CNTNAP5: variants seen among roughly 807,000 people sequenced by gnomAD.
CNTNAP5 encodes the protein contactin-associated protein-like 5.
Under a neutral mutation model 150.2 loss-of-function variants are expected in CNTNAP5, and 72 were observed. The ratio of observed to expected loss-of-function variants is 0.48; its 90% CI spans 0.40 to 0.58. CNTNAP5 has a LOEUF of 0.58. Among genes scored for constraint, CNTNAP5 ranks in the 20% least tolerant of loss-of-function variants. The pLI, the probability that CNTNAP5 is intolerant of heterozygous loss-of-function variation, is 0.00. For missense variants in CNTNAP5, 1,636 were observed against 1,626.2 expected, an observed-to-expected ratio of 1.01 and a Z score of -0.10; for synonymous variants, 672 against 619.8, an observed-to-expected ratio of 1.08 and a Z score of -1.25.
At chr2:124,029,742 C>A (rs1680992365) in intron 1 of CNTNAP5, among the ~76,000 whole-genome samples, 1 of 151,830 alleles carries the variant, frequency 6.6e-6, no homozygotes, top group Admixed American at 6.6e-5. Flanking sequence ...TCTTAATGCC[C>A]ATTTGTTAAA....
intron 1 of CNTNAP5, among the ~76,000 whole-genome samples, chr2:124,035,965 C>T (rs1462845952): frequency 6.0e-5 from 8 of 132,468 alleles, no homozygotes; most frequent in African/African-American, 1.5e-4. Context: ...TCGCCCAGGC[C>T]GGACTGCGGA....
At chr2:124,897,936 A>AGTGTGTGTGT (rs56154943) in intron 21 of CNTNAP5, among the ~76,000 whole-genome samples, 2 of 142,004 alleles carry the variant, frequency 1.4e-5, no homozygotes, top group East Asian at 4.2e-4. Context: ...GCAAATGCCA[A>AGTGTGTGTGT]GTGTGTGTGT....
At chr2:124,210,890 TCAAA>T (rs1685992626) in intron 1 of CNTNAP5, among the ~76,000 whole-genome samples, 1 of 152,158 alleles carries the variant, frequency 6.6e-6, no homozygotes, top group African/African-American at 2.4e-5. Flanking sequence ...TGAATGAAAT[TCAAA>T]CATTTTCTCC....
chr2:124,330,923 C>T (rs1689335588), intron 3 of CNTNAP5, among the ~76,000 whole-genome samples: 1 of 151,950 alleles, frequency 6.6e-6, no homozygotes, highest in Admixed American at 6.6e-5. Flanking sequence ...AAATTATAAC[C>T]TCTCATTAGT....
At chr2:124,674,366 T>A (rs1404177778) in intron 13 of CNTNAP5, among the ~76,000 whole-genome samples, 1 of 81,518 alleles carries the variant, frequency 1.2e-5, no homozygotes, top group East Asian at 3.9e-4. Context: ...CTTCCCTCCC[T>A]CCCTCCTTCC....
chr2:124,192,289 A>T (rs1168251192), intron 1 of CNTNAP5, among the ~76,000 whole-genome samples: 1 of 152,020 alleles, frequency 6.6e-6, no homozygotes, highest in African/African-American at 2.4e-5. Context: ...CTCTGCTACC[A>T]CAGTTGGCCT....
intron 11 of CNTNAP5, among the ~76,000 whole-genome samples, chr2:124,578,637 T>C (rs997638767): frequency 6.6e-6 from 1 of 151,988 alleles, no homozygotes; most frequent in Non-Finnish European, 1.5e-5. Flanking sequence ...CCAAGCACGG[T>C]GGTGCACGCC....
intron 6 of CNTNAP5, among the ~76,000 whole-genome samples, chr2:124,467,613 A>G (rs534050543): frequency 1.3e-5 from 2 of 152,306 alleles, no homozygotes; most frequent in South Asian, 2.1e-4. Flanking sequence ...TGTGTAGCCT[A>G]TAAGTGTTTA....
intron 13 of CNTNAP5, among the ~76,000 whole-genome samples, chr2:124,695,721 A>T (rs557176750): frequency 6.6e-6 from 1 of 152,288 alleles, no homozygotes; most frequent in South Asian, 2.1e-4. Context: ...TTGGGTCCAG[A>T]TGGAGGGAGC....
chr2:124,148,274 G>A (rs1219692102), intron 1 of CNTNAP5, among the ~76,000 whole-genome samples: 1 of 150,730 alleles, frequency 6.6e-6, no homozygotes, highest in African/African-American at 2.4e-5. Flanking sequence ...ATTCCAGCCT[G>A]GGCAACAGAG....
intron 11 of CNTNAP5, among the ~76,000 whole-genome samples, chr2:124,598,801 G>A (rs1393961568): frequency 9.2e-5 from 14 of 152,138 alleles, no homozygotes; most frequent in African/African-American, 2.9e-4. Flanking sequence ...GCGAGATTCC[G>A]TGGGCATAGG....
At chr2:124,753,210 T>G (rs928960897) in intron 14 of CNTNAP5, among the ~76,000 whole-genome samples, 1 of 152,152 alleles carries the variant, frequency 6.6e-6, no homozygotes. Flanking sequence ...AAGAAAATAT[T>G]TTATTCTTTT....
At chr2:124,835,681 T>C (rs1682814638) in intron 19 of CNTNAP5, among the ~76,000 whole-genome samples, 1 of 152,206 alleles carries the variant, frequency 6.6e-6, no homozygotes, top group South Asian at 2.1e-4. Flanking sequence ...GGATATCTGT[T>C]ATATGGTGTG....
rs189967704 is a variant in CNTNAP5 at position 124,679,736 on chromosome 2, T to C, written c.2077+31778T>C. On this transcript the variant is annotated intron_variant, in intron 13 of 23. Transcript: ENST00000682447. ...GGCACCACCATGCCTGGCTAATTTT[T>C]GTAATTTTTGTAGAAACAGGGTCTC... Among the ~76,000 whole-genome samples, 329 of 151,718 alleles carry C rather than the reference T, an allele frequency of 2.2e-3. 2 individuals are homozygous for C. Among genetic ancestry groups the C allele is most frequent in the African/African-American group, 7.7e-3 (319 of 41,490 alleles).
chr2:124,452,310 G>A (rs896813186), intron 6 of CNTNAP5, among the ~76,000 whole-genome samples: 2 of 151,972 alleles, frequency 1.3e-5, no homozygotes, highest in Non-Finnish European at 2.9e-5. Flanking sequence ...CACAGCAAAG[G>A]CACCCATAAT....
At chr2:124,382,213 G>A (rs917737051) in intron 3 of CNTNAP5, among the ~76,000 whole-genome samples, 1 of 152,128 alleles carries the variant, frequency 6.6e-6, no homozygotes, top group African/African-American at 2.4e-5. Flanking sequence ...TGAGCACTTG[G>A]CTTGGCTCTC....
intron 5 of CNTNAP5, among the ~76,000 whole-genome samples, chr2:124,445,229 A>T (rs1357983817): frequency 1.3e-5 from 2 of 151,742 alleles, no homozygotes; most frequent in African/African-American, 4.8e-5. Flanking sequence ...AGCTGGGATT[A>T]CAGGCGCCCA....
chr2:124,504,596 C>A (rs1249667904), intron 8 of CNTNAP5, 40 bp downstream of exon 8: 12 of 1,597,988 alleles, frequency 7.5e-6, no homozygotes, highest in Non-Finnish European at 1.0e-5. Context: ...TCTTGTTTAT[C>A]CAAGTCGACA....
intron 11 of CNTNAP5, among the ~76,000 whole-genome samples, chr2:124,564,184 C>T (rs1695958078): frequency 2.0e-5 from 3 of 152,052 alleles, no homozygotes; most frequent in Admixed American, 6.5e-5. Flanking sequence ...GTCCTCTGCT[C>T]TGTGGAAAAT....
Sources: allele counts gnomAD v4.1 joint callset (sites outside exome capture counted in the v4.1 genomes callset), GRCh38; gene constraint gnomAD v4.1.1; transcripts MANE v1.5; gene names NCBI Gene and HGNC (gene_info 2026-07-23, HGNC 2026-07-21).